The following DNAH12 variants were observed in gnomAD, a reference collection of about 807,000 sequenced individuals.
DNAH12 encodes the protein axonemal beta dynein heavy chain 12.
In DNAH12, 285 loss-of-function variants were observed where a neutral mutation model predicts 371.5. The ratio of observed to expected loss-of-function variants is 0.77; its 90% CI spans 0.70 to 0.85. The LOEUF (loss-of-function observed/expected upper bound fraction) is 0.85, where lower values mean the gene tolerates loss of function less well. DNAH12 is among the 40% of genes least tolerant of loss of function. DNAH12 has a pLI of 0.00. For synonymous variants in DNAH12, 1,200 were observed against 1,213.0 expected (o/e 0.99, Z 0.22); for missense variants, 3,611 against 3,689.4 (o/e 0.98, Z 0.55).
In DNAH12 at chr3:57,371,846, A is replaced by C. The variant is rs893520162; in HGVS notation, c.8759+3525T>G. On this transcript the variant is annotated intron_variant, in intron 55 of 73. Coordinates refer to ENST00000495027, the MANE Select transcript of DNAH12 (RefSeq NM_001366028.2). ...CTTCTCATCAGACTATGTAGGTCAG[A>C]AGCAATGTAGTGACATCTTGAAAGA... 3.7e-4 allele frequency among the ~76,000 whole-genome samples: 56 copies of C among 151,610 alleles called. 1 individual carries two copies. In the East Asian group the frequency reaches 8.9e-3, roughly 24 times the overall value.
intron 69 of DNAH12, among the ~76,000 whole-genome samples, chr3:57,306,641 C>T (rs1018230945): frequency 6.6e-6 from 1 of 152,116 alleles, no homozygotes. Context: ...CCCATTAAAA[C>T]CTAATCACCC....
At chr3:57,331,527 G>A (rs2062095450) in intron 62 of DNAH12, among the ~76,000 whole-genome samples, 1 of 152,094 alleles carries the variant, frequency 6.6e-6, no homozygotes, top group Admixed American at 6.5e-5. Flanking sequence ...TTGGGAATCA[G>A]GGTAAGGAGT....
At chr3:57,369,792 G>A (rs2063131818) in intron 55 of DNAH12, among the ~76,000 whole-genome samples, 1 of 152,078 alleles carries the variant, frequency 6.6e-6, no homozygotes, top group African/African-American at 2.4e-5. Context: ...TACAGTAAGT[G>A]TTCATTCTCT....
intron 2 of DNAH12, among the ~76,000 whole-genome samples, chr3:57,530,119 C>A (rs2068790648): frequency 6.6e-6 from 1 of 151,958 alleles, no homozygotes; most frequent in Admixed American, 6.6e-5. Context: ...ATTTCAAATT[C>A]TTTGAATGTT....
Position 57,421,200 on chromosome 3 carries a change from A to G in DNAH12, c.5562+318T>C, listed in dbSNP as rs17058095. ...TAAGTGAAATTATAACTAATGCTCT[A>G]TCTAGATCTTATGGGGGATGAAATA... On this transcript the variant is annotated intron_variant, in intron 36 of 73. Transcript: ENST00000495027. Among the ~76,000 whole-genome samples, 219 of 152,300 alleles carry G rather than the reference A, an allele frequency of 1.4e-3. 3 individuals carry two copies. The East Asian group carries it at 0.018, about 13-fold the overall frequency.
chr3:57,454,741 G>A (rs2065855383), intron 23 of DNAH12, 34 bp downstream of exon 23: 1 of 1,545,198 alleles, frequency 6.5e-7, no homozygotes, highest in Admixed American at 2.0e-5. Context: ...AACCTGGAAT[G>A]AAGGATGTTA....
intron 60 of DNAH12, among the ~76,000 whole-genome samples, chr3:57,338,157 C>T (rs184321800): frequency 2.0e-3 from 297 of 152,266 alleles, no homozygotes; most frequent in African/African-American, 6.8e-3. Context: ...GGATTGCAGG[C>T]ACGCGACGCC....
intron 11 of DNAH12, among the ~76,000 whole-genome samples, chr3:57,494,345 G>A (rs534368986): frequency 6.6e-6 from 1 of 152,194 alleles, no homozygotes; most frequent in South Asian, 2.1e-4. Context: ...TTGAGCCCAG[G>A]AGTTTGAGAC....
chr3:57,402,222 A>G (rs1553679076), intron 43 of DNAH12, among the ~76,000 whole-genome samples: 2 of 152,214 alleles, frequency 1.3e-5, no homozygotes, highest in African/African-American at 4.8e-5. Flanking sequence ...AGTAGCAAAG[A>G]AAAATCCATT....
At chr3:57,523,646 G>T (rs1301011273) in intron 3 of DNAH12, 37 bp from the exon 4 acceptor site, 1 of 1,458,318 alleles carries the variant, frequency 6.9e-7, no homozygotes, top group South Asian at 1.6e-5. Flanking sequence ...AAATCAAGGA[G>T]AACATTTTAA....
chr3:57,407,635 A>G lies in DNAH12; in HGVS notation c.6276+645T>C, dbSNP rs1048293255. ...GAAAGTGTAGTTTGGTAAGATCATG[A>G]CTGACGTGCCTTTAAATATATTGTT... is the stretch of plus-strand genomic sequence containing the variant. On this transcript the variant is annotated intron_variant, in intron 40 of 73. Transcript: ENST00000495027. 2.0e-5 allele frequency among the ~76,000 whole-genome samples: 3 copies of G among 152,086 alleles called. No individual in the cohort carries two copies. In the East Asian group the frequency reaches 5.8e-4, roughly 29 times the overall value.
chr3:57,448,463 A>C (rs6799016), intron 25 of DNAH12, among the ~76,000 whole-genome samples: 67,709 of 150,238 alleles, frequency 0.45, 16,825 homozygotes, highest in South Asian at 0.6. Flanking sequence ...CGTTCCTCCC[A>C]GGGGGGCTCG....
intron 4 of DNAH12, among the ~76,000 whole-genome samples, chr3:57,516,586 T>C (rs2068206971): frequency 6.6e-6 from 1 of 152,190 alleles, no homozygotes; most frequent in Admixed American, 6.5e-5. Flanking sequence ...ACATGCACCC[T>C]ACCTGCAAGT....
chr3:57,547,318 AC>A (rs2069588362), upstream of DNAH12, among the ~76,000 whole-genome samples: 1 of 144,392 alleles, frequency 6.9e-6, no homozygotes. Context: ...TTTTTTTTTT[AC>A]TTTAAAAAAA....
At chr3:57,527,317 T>C (rs1304636991) in intron 2 of DNAH12, among the ~76,000 whole-genome samples, 1 of 151,986 alleles carries the variant, frequency 6.6e-6, no homozygotes, top group Non-Finnish European at 1.5e-5. Context: ...GGCAACACAG[T>C]GAGACTTTGT....
intron 62 of DNAH12, among the ~76,000 whole-genome samples, chr3:57,325,023 C>T (rs905945053): frequency 4.5e-4 from 69 of 152,186 alleles, no homozygotes; most frequent in Admixed American, 1.4e-3. Flanking sequence ...GGGGAAGGGG[C>T]GCCCGCCATT....
At chr3:57,501,240 G>T in intron 11 of DNAH12, 81 bp downstream of exon 11, 1 of 972,760 alleles carries the variant, frequency 1.0e-6, no homozygotes, top group Non-Finnish European at 1.6e-6. Context: ...TTCTATTTAA[G>T]CATTTACTTT....
intron 65 of DNAH12, among the ~76,000 whole-genome samples, chr3:57,321,406 T>C (rs2061802555): frequency 6.6e-6 from 1 of 152,148 alleles, no homozygotes; most frequent in South Asian, 2.1e-4. Flanking sequence ...ATATGATAAA[T>C]AGTACATGTT....
At chr3:57,421,769 T>C in intron 35 of DNAH12, 63 bp from the exon 36 acceptor site, 3 of 1,526,158 alleles carry the variant, frequency 2.0e-6, no homozygotes, top group Non-Finnish European at 2.7e-6. Flanking sequence ...AGGAGAAACA[T>C]TAACCAAAAT....
Sources: gnomAD v4.1 joint callset for allele counts (sites outside exome capture counted in the v4.1 genomes callset) on GRCh38, gnomAD v4.1.1 for gene constraint, MANE v1.5 for transcripts, NCBI Gene and HGNC (gene_info 2026-07-23, HGNC 2026-07-21) for gene names.